The following EDIL3 variants were observed in gnomAD, a reference collection of about 807,000 sequenced individuals.
EDIL3 encodes the protein EGF like and discoidin domains 3.
A neutral mutation model predicts 67.4 loss-of-function variants in EDIL3; 37 were observed. That is an observed-to-expected ratio of 0.55 (90% CI 0.42 to 0.72). The LOEUF (loss-of-function observed/expected upper bound fraction) is 0.72, where lower values mean the gene tolerates loss of function less well. Among genes scored for constraint, EDIL3 ranks in the 30% least tolerant of loss-of-function variants. EDIL3 has a pLI of 0.00. For missense variants in EDIL3, 527 were observed against 586.3 expected, an observed-to-expected ratio of 0.90 and a Z score of 1.04; for synonymous variants, 195 against 196.3, an observed-to-expected ratio of 0.99 and a Z score of 0.05.
At position 84,111,008 on chromosome 5, in the gene EDIL3, C is replaced by T. The variant is rs367869249; in HGVS notation, c.470-4178G>A. Among the ~76,000 whole-genome samples the T allele has an allele frequency of 3.3e-5, 5 of 152,206 alleles. No individual in the cohort carries two copies. The South Asian group carries it at 8.3e-4, about 25-fold the overall frequency. On this transcript the variant is annotated intron_variant, in intron 5 of 10. Transcript: ENST00000296591. Reference sequence around the variant, plus strand: ...GGGACCTGATGGGAGGTGACTGGATCATGGGGACGGGCTTCCTCTTTGCTA... The same window carrying T: ...GGGACCTGATGGGAGGTGACTGGATTATGGGGACGGGCTTCCTCTTTGCTA...
intron 6 of EDIL3, among the ~76,000 whole-genome samples, chr5:84,089,971 C>G (rs964293355): frequency 1.4e-4 from 21 of 152,122 alleles, no homozygotes; most frequent in African/African-American, 5.1e-4. Flanking sequence ...GCACAGAAAA[C>G]AAGTATTTCT....
chr5:84,147,621 A>T (rs373926953), intron 4 of EDIL3, among the ~76,000 whole-genome samples: 1 of 152,124 alleles, frequency 6.6e-6, no homozygotes, highest in African/African-American at 2.4e-5. Context: ...AACACCAATA[A>T]ATCTTTTTAA....
chr5:84,089,763 T>C (rs928258891), intron 6 of EDIL3, among the ~76,000 whole-genome samples: 3 of 152,170 alleles, frequency 2.0e-5, no homozygotes, highest in African/African-American at 7.2e-5. Context: ...CCCCTACAGA[T>C]ATGCAACTCT....
intron 1 of EDIL3, among the ~76,000 whole-genome samples, chr5:84,350,592 G>T (rs1747335781): frequency 6.6e-6 from 1 of 151,726 alleles, no homozygotes; most frequent in Admixed American, 6.6e-5. Context: ...ATAACAAAAA[G>T]AATATTACTA....
intron 1 of EDIL3, among the ~76,000 whole-genome samples, chr5:84,368,591 C>T (rs1051637452): frequency 6.6e-5 from 10 of 151,956 alleles, no homozygotes; most frequent in South Asian, 6.2e-4. Flanking sequence ...TGATATGACA[C>T]GAAAGGCACA....
chr5:84,169,841 G>T (rs1339447183), intron 4 of EDIL3, among the ~76,000 whole-genome samples: 1 of 152,044 alleles, frequency 6.6e-6, no homozygotes, highest in Non-Finnish European at 1.5e-5. Context: ...AAATAAAGCT[G>T]CTATGAGTAT....
At position 84,379,109 on chromosome 5, in the gene EDIL3, C is replaced by T. The variant is rs561606625; in HGVS notation, c.67+5199G>A. Among the ~76,000 whole-genome samples, 100 of 152,174 alleles carry T rather than the reference C, an allele frequency of 6.6e-4. 1 individual carries two copies. Among genetic ancestry groups the T allele is most frequent in the Middle Eastern group, 6.8e-3 (2 of 294 alleles). On this transcript the variant is annotated intron_variant, in intron 1 of 10. Coordinates refer to ENST00000296591, the MANE Select transcript of EDIL3 (RefSeq NM_005711.5). ...GAACTCTGACACAGAAAGAATGCCA[C>T]TGGAAACCGACTATTTGGCACAATG... is the stretch of plus-strand genomic sequence containing the variant.
chr5:84,344,522 T>C (rs1747197952), intron 1 of EDIL3, among the ~76,000 whole-genome samples: 3 of 152,092 alleles, frequency 2.0e-5, no homozygotes, highest in Admixed American at 2.0e-4. Flanking sequence ...TCCTTTTTCA[T>C]ATGTAAATTT....
intron 1 of EDIL3, among the ~76,000 whole-genome samples, chr5:84,276,747 T>G (rs2112102441): frequency 6.6e-6 from 1 of 152,030 alleles, no homozygotes; most frequent in African/African-American, 2.4e-5. Context: ...TTTTTTTTTT[T>G]ATTTTTAGTA....
chr5:84,222,836 T>G (rs943427508), intron 3 of EDIL3, among the ~76,000 whole-genome samples: 1 of 151,798 alleles, frequency 6.6e-6, no homozygotes, highest in Non-Finnish European at 1.5e-5. Context: ...ATTTAACTAT[T>G]TGCGATTGAC....
chr5:83,990,785 C>G (rs1335459122), intron 9 of EDIL3, among the ~76,000 whole-genome samples: 3 of 151,704 alleles, frequency 2.0e-5, no homozygotes, highest in Non-Finnish European at 4.4e-5. Flanking sequence ...GAGGCTGAAA[C>G]AGGAGAATTG....
At chr5:83,979,155 T>C (rs1323578784) in intron 9 of EDIL3, among the ~76,000 whole-genome samples, 2 of 152,040 alleles carry the variant, frequency 1.3e-5, no homozygotes, top group African/African-American at 4.8e-5. Context: ...GGATGAGACA[T>C]AAATGAAAAG....
At chr5:84,277,314 ATCTCTGAGGAAGC>A (rs1189939427) in intron 1 of EDIL3, among the ~76,000 whole-genome samples, 5 of 152,082 alleles carry the variant, frequency 3.3e-5, no homozygotes, top group African/African-American at 1.2e-4. Context: ...AAGAGAGCCG[ATCTCTGAGGAAGC>A]AGACCCTCAC....
At chr5:84,090,649 T>C (rs1747148611) in intron 6 of EDIL3, among the ~76,000 whole-genome samples, 1 of 152,140 alleles carries the variant, frequency 6.6e-6, no homozygotes, top group South Asian at 2.1e-4. Flanking sequence ...TGCTTGTTTA[T>C]GGAAAATTCA....
chr5:84,287,346 G>T (rs1745827731), intron 1 of EDIL3, among the ~76,000 whole-genome samples: 1 of 152,086 alleles, frequency 6.6e-6, no homozygotes. Context: ...TCTTCCAAAG[G>T]TGTTGGTCTT....
At chr5:84,095,585 T>C (rs895264610) in intron 6 of EDIL3, among the ~76,000 whole-genome samples, 3 of 152,312 alleles carry the variant, frequency 2.0e-5, no homozygotes, top group Admixed American at 6.5e-5. Context: ...TTGAGAGAGA[T>C]GATTTAGGGT....
At chr5:84,036,393 T>C (rs1746022151) in intron 9 of EDIL3, among the ~76,000 whole-genome samples, 1 of 152,226 alleles carries the variant, frequency 6.6e-6, no homozygotes, top group South Asian at 2.1e-4. Flanking sequence ...ACAGTCATAT[T>C]TGTTTCCATT....
intron 9 of EDIL3, among the ~76,000 whole-genome samples, chr5:83,974,489 A>AT (rs973104792): frequency 6.6e-6 from 1 of 151,772 alleles, no homozygotes; most frequent in Non-Finnish European, 1.5e-5. Context: ...TAAAAAAAAA[A>AT]TTTTTTTGTT....
At chr5:83,998,232 A>G (rs1745267833) in intron 9 of EDIL3, among the ~76,000 whole-genome samples, 1 of 152,140 alleles carries the variant, frequency 6.6e-6, no homozygotes, top group Non-Finnish European at 1.5e-5. Flanking sequence ...AGTAAAGAGG[A>G]CTTGGTCTTG....
Sources: gnomAD v4.1 joint callset for allele counts (sites outside exome capture counted in the v4.1 genomes callset) on GRCh38, gnomAD v4.1.1 for gene constraint, MANE v1.5 for transcripts, NCBI Gene and HGNC (gene_info 2026-07-23, HGNC 2026-07-21) for gene names.